Variants in STAT4 observed in about 807,000 individuals in gnomAD.
STAT4 encodes signal transducer and activator of transcription 4.
Under a neutral mutation model 110.5 loss-of-function variants are expected in STAT4, and 42 were observed. The observed-to-expected ratio is 0.38, with a 90% CI of 0.30 to 0.49. The LOEUF (loss-of-function observed/expected upper bound fraction) is 0.49, where lower values mean the gene tolerates loss of function less well. Among genes scored for constraint, STAT4 ranks in the 20% least tolerant of loss-of-function variants. The pLI, the probability that STAT4 is intolerant of heterozygous loss-of-function variation, is 0.95. For missense variants in STAT4, 632 were observed against 887.9 expected, an observed-to-expected ratio of 0.71 and a Z score of 3.66; for synonymous variants, 284 against 302.2, an observed-to-expected ratio of 0.94 and a Z score of 0.63.
intron 15 of STAT4, among the ~76,000 whole-genome samples, chr2:191,040,261 G>A (rs1160138433): frequency 6.6e-6 from 1 of 152,138 alleles, no homozygotes; most frequent in East Asian, 1.9e-4. Flanking sequence ...ATTGTTTTAT[G>A]AGGATCAAAG....
At chr2:191,052,353 C>T (rs1322308388) in intron 14 of STAT4, among the ~76,000 whole-genome samples, 1 of 152,018 alleles carries the variant, frequency 6.6e-6, no homozygotes, top group East Asian at 1.9e-4. Flanking sequence ...ACAGGTGGAG[C>T]TCAAAGAATA....
At chr2:191,131,474 T>C (rs1699035405) in intron 3 of STAT4, 2 of 175,094 alleles carry the variant, frequency 1.1e-5, no homozygotes, top group African/African-American at 4.7e-5. Flanking sequence ...AGTATAAATA[T>C]AGTGTGATCT....
chr2:191,128,540 A>G (rs1234980491), intron 3 of STAT4, among the ~76,000 whole-genome samples: 1 of 152,246 alleles, frequency 6.6e-6, no homozygotes, highest in Non-Finnish European at 1.5e-5. Flanking sequence ...AGAACTGAAA[A>G]GACATTTTTT....
rs542920436 is a variant in STAT4 at position 191,136,854 on chromosome 2, A to G, written c.273+9759T>C. On this transcript the variant is annotated intron_variant, in intron 3 of 23. Coordinates refer to ENST00000392320, the MANE Select transcript of STAT4 (RefSeq NM_003151.4). ...TCTCCTAGGTCTGATAAATAGGTTC[A>G]GTAAAGTTGCAGGATACAAAATTAA... 1.6e-3 allele frequency among the ~76,000 whole-genome samples: 251 copies of G among 152,338 alleles called. 1 individual carries two copies. The highest frequency in any genetic ancestry group is 5.4e-3 in the African/African-American group (223 of 41,582).
chr2:191,060,237 C>T lies in STAT4; in HGVS notation c.1035-1468G>A, dbSNP rs921619053. 6.6e-6 allele frequency among the ~76,000 whole-genome samples: 1 copy of T among 152,162 alleles called. No individual in the cohort carries two copies. The highest frequency in any genetic ancestry group is 2.4e-5 in the African/African-American group (1 of 41,430). Reference sequence around the variant, plus strand: ...TTTTTGCTAGGCAATCCCTACTCATCTCCCCTTTTGTCCCAGAGAGCATCT... The same window carrying T: ...TTTTTGCTAGGCAATCCCTACTCATTTCCCCTTTTGTCCCAGAGAGCATCT... On this transcript the variant is annotated intron_variant, in intron 10 of 23. Coordinates refer to ENST00000392320, the MANE Select transcript of STAT4 (RefSeq NM_003151.4). This position sits in a 1 kb window ranked among gnomAD's most constrained non-coding sequence, Gnocchi z 4.5.
chr2:191,067,065 T>C (rs1005885657), intron 6 of STAT4, among the ~76,000 whole-genome samples: 25 of 151,708 alleles, frequency 1.6e-4, no homozygotes, highest in African/African-American at 5.1e-4. Flanking sequence ...TTTTCTTTTT[T>C]TTTTTTTCAA....
chr2:191,057,872 A>G (rs1696749801), intron 13 of STAT4, 146 bp downstream of exon 13: 1 of 708,750 alleles, frequency 1.4e-6, no homozygotes, highest in Non-Finnish European at 2.3e-6. Context: ...TGCTGGGATT[A>G]CAGACATGAG....
intron 4 of STAT4, chr2:191,075,961 C>G: frequency 3.6e-6 from 1 of 280,672 alleles, no homozygotes; most frequent in South Asian, 6.7e-5. Flanking sequence ...AGTGATCCTT[C>G]TATCTCAGCC....
At chr2:191,085,061 A>G (rs1263087287) in intron 3 of STAT4, among the ~76,000 whole-genome samples, 1 of 151,856 alleles carries the variant, frequency 6.6e-6, no homozygotes, top group Non-Finnish European at 1.5e-5. Flanking sequence ...TACCAAAAAA[A>G]AAAAATGGGA....
chr2:191,089,158 A>C (rs1039217048), intron 3 of STAT4, among the ~76,000 whole-genome samples: 22 of 152,222 alleles, frequency 1.4e-4, no homozygotes, highest in African/African-American at 5.1e-4. Flanking sequence ...AGGAGAGAAT[A>C]TTGGCAAAAA....
rs1305318329 is a variant in STAT4 at position 191,117,300 on chromosome 2, A to C, written c.273+29313T>G. Among the ~76,000 whole-genome samples, 3 of 152,202 alleles carry C rather than the reference A, an allele frequency of 2.0e-5. No individual in the cohort carries two copies. The highest frequency in any genetic ancestry group is 4.4e-5 in the Non-Finnish European group (3 of 68,042). ...GCTCTTATTTTAGCAGAGAAATACAAGTTTCTAATAGCTTAAGGCTGTTCT... is the reference window on the plus strand; with the variant it reads ...GCTCTTATTTTAGCAGAGAAATACACGTTTCTAATAGCTTAAGGCTGTTCT... On this transcript the variant is annotated intron_variant, in intron 3 of 23. Coordinates refer to ENST00000392320, the MANE Select transcript of STAT4 (RefSeq NM_003151.4). This position sits in a 1 kb window ranked among gnomAD's most constrained non-coding sequence, Gnocchi z 5.2.
rs1697647491 is a variant in STAT4 at position 191,086,800 on chromosome 2, C to T, written c.274-10475G>A. ...GAAATTAGAACTGCTTTTCTTAAAG[C>T]TTCTCAAACTGAAGCTAGGCAATTT... On this transcript the variant is annotated intron_variant, in intron 3 of 23. Coordinates refer to ENST00000392320, the MANE Select transcript of STAT4 (RefSeq NM_003151.4). The surrounding 1 kb of genome is among the most constrained non-coding windows in gnomAD (Gnocchi z 5.5). 6.6e-6 allele frequency among the ~76,000 whole-genome samples: 1 copy of T among 152,106 alleles called. No individual in the cohort carries two copies. The highest frequency in any genetic ancestry group is 1.5e-5 in the Non-Finnish European group (1 of 68,008).
intron 3 of STAT4, among the ~76,000 whole-genome samples, chr2:191,084,243 C>T (rs921492749): frequency 1.3e-5 from 2 of 150,908 alleles, no homozygotes; most frequent in Admixed American, 6.6e-5. Context: ...GCCTGGGTGA[C>T]GGAGCAAGAC....
chr2:191,127,048 T>C (rs1698900627), intron 3 of STAT4, among the ~76,000 whole-genome samples: 1 of 151,928 alleles, frequency 6.6e-6, no homozygotes, highest in South Asian at 2.1e-4. Context: ...AGGCTAACTT[T>C]TGTGTTATGG....
chr2:191,150,697 T>G lies in STAT4; in HGVS notation c.-2+250A>C, dbSNP rs917624435. Among the ~76,000 whole-genome samples, 25 of 152,180 alleles carry G rather than the reference T, an allele frequency of 1.6e-4. No individual in the cohort carries two copies. Among genetic ancestry groups the G allele is most frequent in the Non-Finnish European group, 1.3e-4 (9 of 68,032 alleles). On this transcript the variant is annotated intron_variant, in intron 1 of 23. Coordinates refer to ENST00000392320, the MANE Select transcript of STAT4 (RefSeq NM_003151.4). The surrounding 1 kb of genome is among the most constrained non-coding windows in gnomAD (Gnocchi z 6.4). Reference sequence around the variant, plus strand: ...ACCTCCGCAGCCGCCGCAGCTCCCCTGGCCCCCGCAGGGAGATTCGCCCGG... The same window carrying G: ...ACCTCCGCAGCCGCCGCAGCTCCCCGGGCCCCCGCAGGGAGATTCGCCCGG...
rs553391670 is a variant in STAT4, at chr2:191,104,085, C to A, written c.274-27760G>T. Among the ~76,000 whole-genome samples the A allele has an allele frequency of 5.7e-4, 87 of 152,196 alleles. No individual in the cohort carries two copies. The highest frequency in any genetic ancestry group is 2.0e-3 in the African/African-American group (82 of 41,562). On this transcript the variant is annotated intron_variant, in intron 3 of 23. Transcript: ENST00000392320. The surrounding 1 kb of genome is among the most constrained non-coding windows in gnomAD (Gnocchi z 4.3). ...TGATGTACAATACTGAAGAAATAACCATATAATCCCCGTTTTGTGAAAAAA... is the reference window on the plus strand; with the variant it reads ...TGATGTACAATACTGAAGAAATAACAATATAATCCCCGTTTTGTGAAAAAA...
intron 14 of STAT4, among the ~76,000 whole-genome samples, chr2:191,044,326 T>C (rs1235876953): frequency 1.3e-5 from 2 of 152,112 alleles, no homozygotes; most frequent in African/African-American, 4.8e-5. Flanking sequence ...AAGGCATTTA[T>C]AAATGATTAA....
In STAT4 at chr2:191,124,392, T is replaced by C. The variant is rs370092031; in HGVS notation, c.273+22221A>G. 9.0e-5 allele frequency among the ~76,000 whole-genome samples: 13 copies of C among 144,948 alleles called. No individual in the cohort carries two copies. The South Asian group carries it at 1.5e-3, about 17-fold the overall frequency. On this transcript the variant is annotated intron_variant, in intron 3 of 23. Coordinates refer to ENST00000392320, the MANE Select transcript of STAT4 (RefSeq NM_003151.4). ...ATCACTTGAACCCAGGAGAAGGAGG[T>C]TGCAGTGAGCCGAGATAGCACCACT...
In STAT4 at chr2:191,138,298, C is replaced by CA. The variant is rs552858783; in HGVS notation, c.273+8314dup. Among the ~76,000 whole-genome samples the CA allele has an allele frequency of 2.6e-5, 4 of 151,440 alleles. No homozygotes were observed. The highest frequency in any genetic ancestry group is 5.9e-5 in the Non-Finnish European group (4 of 67,812). ...TAAATAAAATCAAAACAAAAAAATA[C>CA]AAAAGATAAATGAAACAAAAAGCAT... On this transcript the variant is annotated intron_variant, in intron 3 of 23. Transcript: ENST00000392320. This position sits in a 1 kb window ranked among gnomAD's most constrained non-coding sequence, Gnocchi z 4.3.
Sources: gnomAD v4.1 joint callset for allele counts (sites outside exome capture counted in the v4.1 genomes callset) on GRCh38, gnomAD v4.1.1 for gene constraint, Gnocchi (gnomAD v3.1) non-coding constraint, MANE v1.5 for transcripts, NCBI Gene and HGNC (gene_info 2026-07-23, HGNC 2026-07-21) for gene names.